The following FANCI variants were observed in gnomAD, a reference collection of about 807,000 sequenced individuals.
The protein encoded by FANCI is Fanconi anemia group I protein.
A neutral mutation model predicts 176.1 loss-of-function variants in FANCI; 156 were observed. That is an observed-to-expected ratio of 0.89 (90% CI 0.78 to 1.01). FANCI has a LOEUF of 1.01. FANCI is among the 50% of genes least tolerant of loss of function. FANCI has a pLI of 0.00. For missense variants in FANCI, 1,678 were observed against 1,534.1 expected, an observed-to-expected ratio of 1.09 and a Z score of -1.57; for synonymous variants, 613 against 541.7, an observed-to-expected ratio of 1.13 and a Z score of -1.83.
At chr15:89,308,126 T>G (rs2054799101) in intron 34 of FANCI, 2 of 1,096,092 alleles carry the variant, frequency 1.8e-6, no homozygotes, top group Non-Finnish European at 2.2e-6. Context: ...ACCATCAGAT[T>G]CCTGCAGTAC....
chr15:89,245,717 G>T (rs1215765420), intron 1 of FANCI: 1 of 152,198 alleles, frequency 6.6e-6, no homozygotes, highest in Non-Finnish European at 1.5e-5. Flanking sequence ...AGGTAGGCAT[G>T]GGTCAGAACT....
In FANCI at chr15:89,258,688, T is replaced by G; in HGVS notation, c.85-16T>G. 1.2e-6 allele frequency: 2 copies of G among 1,608,716 alleles called. No individual in the cohort carries two copies. Among genetic ancestry groups the G allele is most frequent in the Non-Finnish European group, 1.7e-6 (2 of 1,175,100 alleles). ...AGACTGTTGCCAGAGACTTGTACCT[T>G]TTTCTTTCTTTGCAGTTGACTAATC... On this transcript the variant is annotated splice_polypyrimidine_tract_variant and intron_variant, in intron 2 of 37. Transcript: ENST00000310775.
chr15:89,251,666 T>C (rs1399053728), intron 2 of FANCI, among the ~76,000 whole-genome samples: 3 of 152,188 alleles, frequency 2.0e-5, no homozygotes, highest in African/African-American at 7.2e-5. Context: ...CATGATCAAG[T>C]GGGATTTAAT....
rs756650711 is a variant in FANCI at position 89,276,701 on chromosome 15, G to C, written c.1113-10G>C. 151 of 1,613,986 alleles carry C rather than the reference G, an allele frequency of 9.4e-5. No homozygotes were observed. Among genetic ancestry groups the C allele is most frequent in the Non-Finnish European group, 1.2e-4 (146 of 1,180,012 alleles). On this transcript the variant is annotated splice_polypyrimidine_tract_variant and intron_variant, in intron 12 of 37. Transcript: ENST00000310775. ...TTTTTCTTTTTTAACTAAGCTTTGTGTTCTTGTAGCGTTCATAGCTGGGAC... is the reference window on the plus strand; with the variant it reads ...TTTTTCTTTTTTAACTAAGCTTTGTCTTCTTGTAGCGTTCATAGCTGGGAC...
intron 34 of FANCI, chr15:89,308,286 G>T: frequency 3.5e-6 from 2 of 563,668 alleles, no homozygotes; most frequent in Non-Finnish European, 4.5e-6. Flanking sequence ...GATGCCAGTA[G>T]CAGCCCCCTA....
At chr15:89,287,043 G>A (rs140885576) in intron 18 of FANCI, among the ~76,000 whole-genome samples, 315 of 141,874 alleles carry the variant, frequency 2.2e-3, no homozygotes, top group African/African-American at 8.2e-3. Context: ...GCACAATCTC[G>A]GCTCACTGCA....
chr15:89,315,195 T>G (rs1254899812), intron 36 of FANCI, 87 bp from the exon 37 acceptor site: 5 of 961,146 alleles, frequency 5.2e-6, no homozygotes, highest in Non-Finnish European at 6.8e-6. Context: ...ATGGAAAGGT[T>G]TCTCAGAGGT....
Position 89,316,658 on chromosome 15 carries a change from T to C in FANCI, c.*199T>C. On this transcript the variant is annotated 3_prime_UTR_variant, in exon 38 of 38. Coordinates refer to ENST00000310775, the MANE Select transcript of FANCI (RefSeq NM_001113378.2). ...AAAATGGCTGGCCTTAGGCAAGCCC[T>C]TTTGCAAAAAGCACAGCTGAAAGCC... 8.0e-7 allele frequency: 1 copy of C among 1,244,410 alleles called. No homozygotes were observed. Among genetic ancestry groups the C allele is most frequent in the Non-Finnish European group, 1.2e-6 (1 of 846,822 alleles). The allele number at this position is 1,244,410 out of a possible 1,614,324, so 77.1% of individuals were successfully genotyped here.
rs2152050954 is a variant in FANCI, at chr15:89,316,631, G to A, written c.*172G>A. ...AATCTTCTTGGCAGGTCCTGCTACT[G>A]AAAAATGGCTGGCCTTAGGCAAGCC... On this transcript the variant is annotated 3_prime_UTR_variant, in exon 38 of 38. Transcript: ENST00000310775. 1 of 1,151,100 alleles carries A rather than the reference G, an allele frequency of 8.7e-7. No homozygotes were observed. Among genetic ancestry groups the A allele is most frequent in the Non-Finnish European group, 1.3e-6 (1 of 768,220 alleles). 71.3% of individuals were successfully genotyped at this position (1,151,100 alleles called of 1,614,324 possible).
At chr15:89,280,885 A>T (rs2053588217) in intron 14 of FANCI, among the ~76,000 whole-genome samples, 2 of 152,320 alleles carry the variant, frequency 1.3e-5, no homozygotes, top group Admixed American at 6.5e-5. Context: ...TAGAAGTAAG[A>T]AGATGTGTGC....
rs774726509 is a variant in FANCI at position 89,281,859 on chromosome 15, T to C, written c.1583+24T>C. The C allele has an allele frequency of 6.2e-6, 10 of 1,606,460 alleles. No individual in the cohort carries two copies. The South Asian group carries it at 6.6e-5, about 11-fold the overall frequency. On this transcript the variant is annotated intron_variant, in intron 16 of 37. Coordinates refer to ENST00000310775, the MANE Select transcript of FANCI (RefSeq NM_001113378.2). Reference sequence around the variant, plus strand: ...AAGTATGTAGCATCTTTTTCTATCATAGGAAGACGTTGTCTTCTAATGTTG... The same window carrying C: ...AAGTATGTAGCATCTTTTTCTATCACAGGAAGACGTTGTCTTCTAATGTTG...
intron 2 of FANCI, among the ~76,000 whole-genome samples, chr15:89,251,712 A>G (rs898023161): frequency 6.6e-6 from 1 of 152,224 alleles, no homozygotes; most frequent in East Asian, 1.9e-4. Context: ...ATTTGAAAGT[A>G]TATTACTATA....
At chr15:89,299,577 T>A (rs1271447071) in intron 24 of FANCI, among the ~76,000 whole-genome samples, 1 of 152,192 alleles carries the variant, frequency 6.6e-6, no homozygotes, top group Non-Finnish European at 1.5e-5. Context: ...GGACAGAAAT[T>A]AGATCAGTAG....
intron 14 of FANCI, among the ~76,000 whole-genome samples, chr15:89,279,408 T>G (rs766873494): frequency 5.8e-4 from 89 of 152,358 alleles, no homozygotes; most frequent in Non-Finnish European, 1.0e-3. Context: ...TCCACCCACC[T>G]TAGCTTCCCA....
In FANCI at chr15:89,316,532, G is replaced by C. The variant is rs769397004; in HGVS notation, c.*73G>C. On this transcript the variant is annotated 3_prime_UTR_variant, in exon 38 of 38. Transcript: ENST00000310775. ...TACCCAACAAGCAACAATGCCCCTT[G>C]TCCTGTAGTCCACACCGATGTTGGC... The C allele has an allele frequency of 1.4e-6, 2 of 1,432,126 alleles. No individual in the cohort carries two copies. The highest frequency in any genetic ancestry group is 1.9e-6 in the Non-Finnish European group (2 of 1,032,940). 88.7% of individuals were successfully genotyped at this position (1,432,126 alleles called of 1,614,324 possible).
At chr15:89,281,898 C>G in intron 16 of FANCI, 63 bp downstream of exon 16, 1 of 1,408,072 alleles carries the variant, frequency 7.1e-7, no homozygotes, top group Non-Finnish European at 1.0e-6. Flanking sequence ...CTAAAGTTAT[C>G]TCTGCCATCT....
At position 89,251,884 on chromosome 15, in the gene FANCI, T is replaced by C. The variant is rs566447526; in HGVS notation, c.84+4153T>C. ...GAGTCAGCATCTTAGTGGGAAACCA[T>C]AGAGACATTTCCTCTAAGGCCGGGA... On this transcript the variant is annotated intron_variant, in intron 2 of 37. Transcript: ENST00000310775. Among the ~76,000 whole-genome samples, 17 of 152,312 alleles carry C rather than the reference T, an allele frequency of 1.1e-4. No homozygotes were observed. In the South Asian group the frequency reaches 2.5e-3, roughly 22 times the overall value.
rs1244883315 is a variant in FANCI, at chr15:89,273,371, T to C, written c.883-6T>C. On this transcript the variant is annotated splice_polypyrimidine_tract_variant and splice_region_variant and intron_variant, in intron 10 of 37. Transcript: ENST00000310775. ...AAATGACTTCCTTTTGGTTGCTCTC[T>C]TCTAGGTAGGACAGCAAGGAGATTC... 6 of 1,510,814 alleles carry C rather than the reference T, an allele frequency of 4.0e-6. No individual in the cohort carries two copies. The highest frequency in any genetic ancestry group is 1.7e-5 in the Admixed American group (1 of 58,318). The allele number at this position is 1,510,814 out of a possible 1,614,324, so 93.6% of individuals were successfully genotyped here. A position where few individuals can be genotyped will look rare whatever the true frequency, so the allele number is the denominator to read the frequency against.
intron 2 of FANCI, among the ~76,000 whole-genome samples, chr15:89,257,599 A>T (rs1362724191): frequency 6.6e-6 from 1 of 151,342 alleles, no homozygotes; most frequent in African/African-American, 2.5e-5. Flanking sequence ...TCCCCTTTTT[A>T]TAAGGGCATT....
Sources: allele counts gnomAD v4.1 joint callset (sites outside exome capture counted in the v4.1 genomes callset), GRCh38; gene constraint gnomAD v4.1.1; transcripts MANE v1.5; gene names NCBI Gene and HGNC (gene_info 2026-07-23, HGNC 2026-07-21).